The following SKIC8 variants were observed in gnomAD, a reference collection of about 807,000 sequenced individuals.
The protein encoded by SKIC8 is superkiller complex protein 8.
At chr15:78,286,799 T>C in the SKIC8 span, 1 of 152,094 alleles carries the variant, frequency 6.6e-6, no homozygotes, top group East Asian at 1.9e-4. Flanking sequence ...AGGGGGCAGG[T>C]GGGATACAGT....
At chr15:78,293,312 T>C in the SKIC8 span, 54 of 1,555,292 alleles carry the variant, frequency 3.5e-5, no homozygotes, top group Non-Finnish European at 4.5e-5. Flanking sequence ...TCTTCTTGCA[T>C]ACGACTTAAT....
the SKIC8 span, chr15:78,285,374 A>G: frequency 8.1e-6 from 13 of 1,602,758 alleles, no homozygotes; most frequent in African/African-American, 1.3e-5. Context: ...ATCGGTTTGA[A>G]GTTGGAAGGA....
the SKIC8 span, chr15:78,292,989 C>G: frequency 1.2e-6 from 1 of 832,702 alleles, no homozygotes; most frequent in Non-Finnish European, 1.8e-6. Flanking sequence ...AACTTTAGGG[C>G]TTTAATACAG....
At chr15:78,285,290 C>T in the SKIC8 span, 8 of 1,614,116 alleles carry the variant, frequency 5.0e-6, no homozygotes, top group Non-Finnish European at 6.8e-6. Flanking sequence ...AAGGTGTGAA[C>T]ACAAGTCCTC....
the SKIC8 span, chr15:78,292,505 C>T: frequency 8.0e-7 from 1 of 1,247,964 alleles, no homozygotes. Flanking sequence ...CACACATTAT[C>T]ACCCCTCTCA....
the SKIC8 span, chr15:78,294,392 G>C: frequency 6.5e-6 from 1 of 154,850 alleles, no homozygotes; most frequent in Non-Finnish European, 1.4e-5. Flanking sequence ...TGGGTACAAA[G>C]CTCTGTACCA....
the SKIC8 span, chr15:78,294,989 A>T: frequency 6.2e-7 from 1 of 1,614,118 alleles, no homozygotes; most frequent in South Asian, 1.1e-5. Context: ...AAAGAACAGA[A>T]GCCACATTAA....
chr15:78,294,901 C>T, the SKIC8 span: 2 of 1,613,442 alleles, frequency 1.2e-6, no homozygotes, highest in Non-Finnish European at 1.7e-6. Flanking sequence ...AGGGACAACA[C>T]AGTTTTTTTC....
the SKIC8 span, among the ~76,000 whole-genome samples, chr15:78,296,762 C>T: frequency 6.6e-6 from 1 of 152,190 alleles, no homozygotes; most frequent in African/African-American, 2.4e-5. Flanking sequence ...CTTGGCCTCC[C>T]AAAGTGCTGG....
At chr15:78,289,912 A>T in the SKIC8 span, 1 of 1,602,422 alleles carries the variant, frequency 6.2e-7, no homozygotes, top group Non-Finnish European at 8.5e-7. Context: ...GGGTAAACTG[A>T]AAGAATCAGA....
At chr15:78,292,887 T>C in the SKIC8 span, 1 of 1,338,908 alleles carries the variant, frequency 7.5e-7, no homozygotes, top group East Asian at 2.4e-5. Flanking sequence ...ACCAATGGTC[T>C]ATGAAATACA....
chr15:78,286,285 C>A, the SKIC8 span: 1 of 630,818 alleles, frequency 1.6e-6, no homozygotes, highest in African/African-American at 1.8e-5. Flanking sequence ...ATTCCTCTTT[C>A]AATGAAGTAG....
chr15:78,298,008 C>A, the SKIC8 span, among the ~76,000 whole-genome samples: 3 of 152,214 alleles, frequency 2.0e-5, no homozygotes, highest in Admixed American at 6.5e-5. Flanking sequence ...TTGTCTTGGC[C>A]TTCCAAAGTG....
chr15:78,284,946 C>G, the SKIC8 span: 56 of 325,314 alleles, frequency 1.7e-4, no homozygotes, highest in Non-Finnish European at 3.0e-4. Flanking sequence ...CAGCAGCCCC[C>G]AGGAGAGGGC....
At chr15:78,288,765 T>C in the SKIC8 span, 1 of 345,276 alleles carries the variant, frequency 2.9e-6, no homozygotes, top group South Asian at 2.3e-5. Flanking sequence ...TATAGCAATG[T>C]GAGGACGTAA....
chr15:78,283,399 C>T, the SKIC8 span: 1 of 1,547,424 alleles, frequency 6.5e-7, no homozygotes, highest in Non-Finnish European at 8.9e-7. Flanking sequence ...TCCGTACATT[C>T]TCTTTGCAGC....
At chr15:78,299,589 A>G in the SKIC8 span, 1 of 152,418 alleles carries the variant, frequency 6.6e-6, no homozygotes, top group African/African-American at 2.4e-5. Flanking sequence ...GCACGTCGGA[A>G]GCCGGGCTCC....
chr15:78,298,283 C>T, the SKIC8 span, among the ~76,000 whole-genome samples: 22,666 of 152,154 alleles, frequency 0.15, 2,144 homozygotes, highest in Admixed American at 0.27. Context: ...AAAACCCGGG[C>T]TCCAAAAGAC....
chr15:78,293,325 A>C, the SKIC8 span: 1 of 1,492,628 alleles, frequency 6.7e-7, no homozygotes, highest in Non-Finnish European at 9.3e-7. Flanking sequence ...GACTTAATGA[A>C]GCCGAGATAC....
Sources: allele counts gnomAD v4.1 joint callset (sites outside exome capture counted in the v4.1 genomes callset), GRCh38; gene constraint gnomAD v4.1.1; transcripts MANE v1.5; gene names NCBI Gene and HGNC (gene_info 2026-07-23, HGNC 2026-07-21).